Variants in NLGN4X observed in about 807,000 individuals in gnomAD.
NLGN4X encodes the protein neuroligin-4, X-linked.
Under a neutral mutation model 40.3 loss-of-function variants are expected in NLGN4X, and 3 were observed. The observed-to-expected ratio is 0.07, with a 90% CI of 0.03 to 0.19. NLGN4X has a LOEUF of 0.19. Ranked by LOEUF, NLGN4X falls within the 10% of genes least tolerant of loss-of-function variation. NLGN4X has a pLI of 1.00. For synonymous variants in NLGN4X, 270 were observed against 306.8 expected, an observed-to-expected ratio of 0.88 and a Z score of 1.25; for missense variants, 382 against 708.3, an observed-to-expected ratio of 0.54 and a Z score of 5.23.
Position 6,059,679 on chromosome X carries a change from T to A in NLGN4X, c.473-30247A>T, listed in dbSNP as rs112807646. Among the ~76,000 whole-genome samples the A allele has an allele frequency of 1.8e-4, 20 of 111,298 alleles. No individual in the cohort carries two copies. In the East Asian group the frequency reaches 2.6e-3, roughly 14 times the overall value. On this transcript the variant is annotated intron_variant, in intron 2 of 5. Transcript: ENST00000381095. ...AATCAGTGTCACAATACCTAATGGA[T>A]TGTGAAGAGGTCATCTTCAGCTGAG...
rs1425607315 is a variant in NLGN4X at position 5,893,020 on chromosome X, C to T, written c.2248G>A (p.Asp750Asn). 1.7e-6 allele frequency: 2 copies of T among 1,211,026 alleles called. No individual in the cohort carries two copies. Among genetic ancestry groups the T allele is most frequent in the South Asian group, 1.8e-5 (1 of 56,878 alleles). Residue 750 changes from aspartate to asparagine, a missense_variant, in exon 6 of 6, where the codon GAC (aspartate) becomes AAC (asparagine). Asp to Asn is a conservative substitution (Grantham distance 23). This residue lies in a region of NLGN4X where 57 missense variants were observed against 65.6 expected (regional missense o/e 0.87). Coordinates refer to ENST00000381095, the MANE Select transcript of NLGN4X (RefSeq NM_181332.3). ...DHECESLQAH[D>N]TLRLTCPPDY... Reference sequence around the variant, plus strand: ...GGCGGGCAGGTGAGCCTCAGTGTGTCGTGTGCCTGCAGCGACTCACACTCG... The same window carrying T: ...GGCGGGCAGGTGAGCCTCAGTGTGTTGTGTGCCTGCAGCGACTCACACTCG...
chrX:6,107,942 C>T (rs1032085938), intron 2 of NLGN4X, among the ~76,000 whole-genome samples: 2 of 112,085 alleles, frequency 1.8e-5, no homozygotes, highest in East Asian at 2.8e-4. Context: ...TTTCTTTATC[C>T]AATGCACTGT....
intron 3 of NLGN4X, among the ~76,000 whole-genome samples, chrX:5,995,551 A>T (rs1282127190): frequency 8.9e-6 from 1 of 112,377 alleles, no homozygotes; most frequent in Non-Finnish European, 1.9e-5. Flanking sequence ...AACTGGGAGC[A>T]CACTGGGCTT....
intron 3 of NLGN4X, among the ~76,000 whole-genome samples, chrX:5,953,757 G>C (rs930770554): frequency 5.5e-4 from 62 of 111,985 alleles, no homozygotes; most frequent in African/African-American, 2.0e-3. Context: ...TTTTTTCCTA[G>C]TTTTGAACTG....
chrX:6,030,672 C>A (rs772471044), intron 2 of NLGN4X, among the ~76,000 whole-genome samples: 11 of 110,929 alleles, frequency 9.9e-5, no homozygotes, highest in African/African-American at 3.6e-4. Flanking sequence ...GTAAAGCACA[C>A]AAAAGAGTGT....
chrX:6,019,698 G>A (rs981108593), intron 3 of NLGN4X, among the ~76,000 whole-genome samples: 5 of 111,259 alleles, frequency 4.5e-5, no homozygotes, highest in African/African-American at 1.3e-4. Flanking sequence ...CAAGGAGAAA[G>A]AGGGCACGTC....
At chrX:5,989,097 A>T (rs997150843) in intron 3 of NLGN4X, among the ~76,000 whole-genome samples, 14 of 101,695 alleles carry the variant, frequency 1.4e-4, no homozygotes, top group Non-Finnish European at 2.4e-4. Context: ...AAAAAATAAA[A>T]AAAAAAATAA....
chrX:6,057,200 A>G (rs1450049724), intron 2 of NLGN4X, among the ~76,000 whole-genome samples: 1 of 111,927 alleles, frequency 8.9e-6, no homozygotes, highest in Non-Finnish European at 1.9e-5. Flanking sequence ...TGATTGAGTG[A>G]CGTGCATTTG....
At chrX:5,912,648 A>G (rs913468649) in intron 3 of NLGN4X, among the ~76,000 whole-genome samples, 4 of 109,348 alleles carry the variant, frequency 3.7e-5, no homozygotes, top group African/African-American at 1.3e-4. Flanking sequence ...CTATGAGCCC[A>G]GAAAGTTAGC....
At chrX:6,114,371 C>A in intron 2 of NLGN4X, among the ~76,000 whole-genome samples, 1 of 111,185 alleles carries the variant, frequency 9.0e-6, no homozygotes, top group East Asian at 2.8e-4. Flanking sequence ...AGATAAAAGT[C>A]ATACTTCTTG....
intron 3 of NLGN4X, chrX:5,991,620 G>C: frequency 2.3e-6 from 1 of 435,382 alleles, no homozygotes; most frequent in East Asian, 4.2e-5. Flanking sequence ...GCAGTGTTCA[G>C]AGGAAGACAT....
chrX:6,057,500 G>C (rs1391229634), intron 2 of NLGN4X, among the ~76,000 whole-genome samples: 1 of 112,063 alleles, frequency 8.9e-6, no homozygotes, highest in Admixed American at 9.5e-5. Flanking sequence ...AGATAAATTA[G>C]ATGAATTAAG....
intron 4 of NLGN4X, among the ~76,000 whole-genome samples, chrX:5,907,957 T>G (rs1601865180): frequency 1.2e-5 from 1 of 82,669 alleles, no homozygotes; most frequent in Non-Finnish European, 2.3e-5. Flanking sequence ...AAGGAGATAG[T>G]GAGTAAGAGA....
chrX:6,179,619 G>C (rs1233373982), intron 1 of NLGN4X, among the ~76,000 whole-genome samples: 1 of 112,175 alleles, frequency 8.9e-6, no homozygotes, highest in Admixed American at 9.5e-5. Context: ...TGCTGACTGT[G>C]ATGTCCCAGT....
At chrX:6,186,024 A>C (rs186000652) in intron 1 of NLGN4X, among the ~76,000 whole-genome samples, 108 of 112,736 alleles carry the variant, frequency 9.6e-4, no homozygotes, top group Non-Finnish European at 1.3e-3. Flanking sequence ...TAGTGCATGC[A>C]TTCATAGAAT....
intron 3 of NLGN4X, among the ~76,000 whole-genome samples, chrX:6,007,269 A>C (rs1296405806): frequency 9.0e-6 from 1 of 111,361 alleles, no homozygotes; most frequent in African/African-American, 3.3e-5. Flanking sequence ...CAACAGGTGC[A>C]CATTAACATA....
chrX:5,897,674 C>A (rs1236680195), intron 5 of NLGN4X, among the ~76,000 whole-genome samples: 3 of 111,841 alleles, frequency 2.7e-5, no homozygotes, highest in Non-Finnish European at 5.6e-5. Flanking sequence ...GCAAGGATTA[C>A]TTGAGGCCCT....
At chrX:6,180,448 C>T (rs1921313359) in intron 1 of NLGN4X, among the ~76,000 whole-genome samples, 1 of 111,204 alleles carries the variant, frequency 9.0e-6, no homozygotes, top group Non-Finnish European at 1.9e-5. Flanking sequence ...AGCTCACTCC[C>T]CCTTTACCTT....
At chrX:5,974,637 A>G (rs1018076118) in intron 3 of NLGN4X, among the ~76,000 whole-genome samples, 2 of 111,652 alleles carry the variant, frequency 1.8e-5, no homozygotes, top group African/African-American at 6.5e-5. Context: ...TCACAAATGA[A>G]TCAAAATCCC....
Sources: allele counts gnomAD v4.1 joint callset (sites outside exome capture counted in the v4.1 genomes callset), GRCh38; gene constraint gnomAD v4.1.1; regional missense constraint gnomAD v4.1.1; transcripts MANE v1.5; gene names NCBI Gene and HGNC (gene_info 2026-07-23, HGNC 2026-07-21).